The following ZBTB41 variants were observed in gnomAD, a reference collection of about 807,000 sequenced individuals.
ZBTB41 encodes the protein zinc finger and BTB domain containing 41, also known as zinc finger and BTB domain-containing protein 41.
In ZBTB41, 42 loss-of-function variants were observed where a neutral mutation model predicts 87.6. That is an observed-to-expected ratio of 0.48 (90% CI 0.37 to 0.62). The LOEUF (loss-of-function observed/expected upper bound fraction) is 0.62, where lower values mean the gene tolerates loss of function less well. ZBTB41 is among the 20% of genes least tolerant of loss of function. The pLI is 0.00. For missense variants in ZBTB41, 799 were observed against 1,078.9 expected, an observed-to-expected ratio of 0.74 and a Z score of 3.63; for synonymous variants, 364 against 364.0, an observed-to-expected ratio of 1.00 and a Z score of 0.00.
intron 10 of ZBTB41, among the ~76,000 whole-genome samples, chr1:197,167,446 C>T (rs181032062): frequency 1.3e-5 from 2 of 152,216 alleles, no homozygotes; most frequent in African/African-American, 2.4e-5. Context: ...TCATCCACCT[C>T]GACTTCCCAA....
At chr1:197,175,447 T>TATATATATATATATA (rs1553231080) in intron 8 of ZBTB41, among the ~76,000 whole-genome samples, 1 of 142,732 alleles carries the variant, frequency 7.0e-6, no homozygotes, top group East Asian at 2.1e-4. Context: ...TATATATATA[T>TATATATATATATATA]ATGTCTGTAT....
chr1:197,170,960 G>T (rs1571651161), intron 10 of ZBTB41, among the ~76,000 whole-genome samples: 1 of 152,102 alleles, frequency 6.6e-6, no homozygotes, highest in African/African-American at 2.4e-5. Flanking sequence ...AGGGCAGAGA[G>T]ACTTGTCTTC....
chr1:197,188,663 T>C (rs1217103616), intron 4 of ZBTB41, among the ~76,000 whole-genome samples: 1 of 152,162 alleles, frequency 6.6e-6, no homozygotes, highest in Non-Finnish European at 1.5e-5. Flanking sequence ...TTCAACTCTT[T>C]ACATTTCTAG....
At position 197,157,880 on chromosome 1, in the gene ZBTB41, G is replaced by C. The variant is rs1473865377; in HGVS notation, c.*1479C>G. On this transcript the variant is annotated 3_prime_UTR_variant, in exon 11 of 11. Coordinates refer to ENST00000367405, the MANE Select transcript of ZBTB41 (RefSeq NM_194314.3). ...TTATTTGTGATTTTTTTTTTCACAA[G>C]GGCTGGGCTAGACTTTACAGTTTAC... is the stretch of plus-strand genomic sequence containing the variant. 1 of 147,464 alleles carries C rather than the reference G, an allele frequency of 6.8e-6. No individual in the cohort carries two copies. Among genetic ancestry groups the C allele is most frequent in the Non-Finnish European group, 1.5e-5 (1 of 66,512 alleles). 9.1% of individuals were successfully genotyped at this position (147,464 alleles called of 1,614,324 possible).
At chr1:197,188,530 A>G in intron 4 of ZBTB41, 91 bp from the exon 5 acceptor site, 1 of 1,211,292 alleles carries the variant, frequency 8.3e-7, no homozygotes, top group Non-Finnish European at 1.1e-6. Context: ...TATAAATTCA[A>G]TAAAGAGACT....
chr1:197,181,654 A>G (rs969608165), intron 5 of ZBTB41, among the ~76,000 whole-genome samples: 1 of 152,162 alleles, frequency 6.6e-6, no homozygotes, highest in Non-Finnish European at 1.5e-5. Flanking sequence ...ATGCGTAAAA[A>G]AGAAGTTTAG....
At chr1:197,176,217 T>C (rs1035380298) in intron 8 of ZBTB41, among the ~76,000 whole-genome samples, 1 of 152,018 alleles carries the variant, frequency 6.6e-6, no homozygotes, top group Non-Finnish European at 1.5e-5. Context: ...CCAATCAAAA[T>C]GAGAAAAATT....
At chr1:197,170,290 T>C (rs927441243) in intron 10 of ZBTB41, among the ~76,000 whole-genome samples, 3 of 151,768 alleles carry the variant, frequency 2.0e-5, no homozygotes, top group African/African-American at 7.3e-5. Flanking sequence ...AGAACAAAAT[T>C]TTTCTGGTCA....
rs187084697 is a variant in ZBTB41 at position 197,157,699 on chromosome 1, A to G, written c.*1660T>C. 1.6e-3 allele frequency: 246 copies of G among 152,444 alleles called. 2 individuals are homozygous for G. The highest frequency in any genetic ancestry group is 5.7e-3 in the African/African-American group (235 of 41,554). 9.4% of individuals were successfully genotyped at this position (152,444 alleles called of 1,614,324 possible). A position where few individuals can be genotyped will look rare whatever the true frequency, so the allele number is the denominator to read the frequency against. ...ATTGGTTTTATTATTTATATGAGCT[A>G]CTTTGGTTAACTGCCTCAGTTTTCA... On this transcript the variant is annotated 3_prime_UTR_variant, in exon 11 of 11. Coordinates refer to ENST00000367405, the MANE Select transcript of ZBTB41 (RefSeq NM_194314.3).
intron 10 of ZBTB41, among the ~76,000 whole-genome samples, chr1:197,167,004 C>A (rs1032037018): frequency 6.6e-5 from 10 of 152,042 alleles, no homozygotes; most frequent in Admixed American, 3.9e-4. Context: ...AATTATTTCC[C>A]AAATCATCTT....
Position 197,200,506 on chromosome 1 carries a change from A to G in ZBTB41, c.-33T>C, listed in dbSNP as rs201195768. The G allele has an allele frequency of 2.5e-4, 380 of 1,533,492 alleles. No individual in the cohort carries two copies. The highest frequency in any genetic ancestry group is 2.9e-4 in the Non-Finnish European group (336 of 1,146,706). 95.0% of individuals were successfully genotyped at this position (1,533,492 alleles called of 1,614,324 possible). On this transcript the variant is annotated 5_prime_UTR_variant, in exon 2 of 11. The change abolishes an upstream ATG in the 5' untranslated region. Transcript: ENST00000367405. ...CAGCAATTTCAGAACAAGAAACTTC[A>G]TAAGTGTCTTAAGTGATTTATAAAG...
In ZBTB41 at chr1:197,191,182, G is replaced by A. The variant is rs141094053; in HGVS notation, c.1329-351C>T. On this transcript the variant is annotated intron_variant, in intron 3 of 10. Coordinates refer to ENST00000367405, the MANE Select transcript of ZBTB41 (RefSeq NM_194314.3). ...GAGTATAAGAATAAATTTCTTGACC[G>A]GGCGTGGTGGCTCACACCTGTAATC... Among the ~76,000 whole-genome samples the A allele has an allele frequency of 6.4e-3, 965 of 151,902 alleles. 11 individuals are homozygous for A. The highest frequency in any genetic ancestry group is 0.022 in the African/African-American group (921 of 41,418).
chr1:197,187,174 T>A (rs1659906302), intron 5 of ZBTB41, among the ~76,000 whole-genome samples: 1 of 152,220 alleles, frequency 6.6e-6, no homozygotes, highest in Admixed American at 6.5e-5. Flanking sequence ...ACTCTTACCA[T>A]CTGATCCAGC....
chr1:197,198,909 G>T (rs1660230586), intron 2 of ZBTB41, among the ~76,000 whole-genome samples: 1 of 151,950 alleles, frequency 6.6e-6, no homozygotes, highest in South Asian at 2.1e-4. Context: ...CTATTAAATA[G>T]TGCTAGATAC....
Position 197,155,912 on chromosome 1 carries a change from T to C in ZBTB41, c.*3447A>G, listed in dbSNP as rs558846911. 1 of 152,342 alleles carries C rather than the reference T, an allele frequency of 6.6e-6. No homozygotes were observed. The highest frequency in any genetic ancestry group is 1.9e-4 in the East Asian group (1 of 5,180). 9.4% of individuals were successfully genotyped at this position (152,342 alleles called of 1,614,324 possible). On this transcript the variant is annotated 3_prime_UTR_variant, in exon 11 of 11. Transcript: ENST00000367405. ...ATAAGGACCAACCCCTAACCTTAAA[T>C]GGGATTTTAGGCTGCAAAAAAAATA... is the stretch of plus-strand genomic sequence containing the variant.
At chr1:197,198,013 A>G (rs991102100) in intron 2 of ZBTB41, among the ~76,000 whole-genome samples, 14 of 152,344 alleles carry the variant, frequency 9.2e-5, no homozygotes, top group African/African-American at 3.4e-4. Context: ...CTAAGAGTAC[A>G]AAGTCTAAGA....
In ZBTB41 at chr1:197,159,250, C is replaced by T. The variant is rs1659139917; in HGVS notation, c.*109G>A. 9.2e-7 allele frequency: 1 copy of T among 1,090,578 alleles called. No homozygotes were observed. The highest frequency in any genetic ancestry group is 1.3e-6 in the Non-Finnish European group (1 of 755,508). 67.6% of individuals were successfully genotyped at this position (1,090,578 alleles called of 1,614,324 possible). A position where few individuals can be genotyped will look rare whatever the true frequency, so the allele number is the denominator to read the frequency against. On this transcript the variant is annotated 3_prime_UTR_variant, in exon 11 of 11. Coordinates refer to ENST00000367405, the MANE Select transcript of ZBTB41 (RefSeq NM_194314.3). ...TCTTGATTTGAAACTGTTCTGAGGA[C>T]TTGAGAAACTAGAGAAAACAAGAAA...
At chr1:197,173,738 A>C (rs576451425) in intron 9 of ZBTB41, among the ~76,000 whole-genome samples, 1 of 152,244 alleles carries the variant, frequency 6.6e-6, no homozygotes, top group South Asian at 2.1e-4. Context: ...GGTTTACCTT[A>C]TTCCATTCAT....
chr1:197,194,368 T>C (rs1209429934), intron 2 of ZBTB41, among the ~76,000 whole-genome samples: 2 of 152,086 alleles, frequency 1.3e-5, no homozygotes, highest in Non-Finnish European at 2.9e-5. Context: ...TCTTAAAGTA[T>C]GAAAAATTTT....
Sources: gnomAD v4.1 joint callset for allele counts (sites outside exome capture counted in the v4.1 genomes callset) on GRCh38, gnomAD v4.1.1 for gene constraint, MANE v1.5 for transcripts, NCBI Gene and HGNC (gene_info 2026-07-23, HGNC 2026-07-21) for gene names.